Variants in SLC60A1 observed in about 807,000 individuals in gnomAD.
SLC60A1 encodes the protein major facilitator superfamily domain containing 4.
the SLC60A1 span, chr1:205,586,072 G>A: frequency 2.5e-6 from 4 of 1,612,138 alleles, no homozygotes. Flanking sequence ...ATGCTGTGGA[G>A]AAGCCCCTGT....
the SLC60A1 span, among the ~76,000 whole-genome samples, chr1:205,575,696 G>A: frequency 1.3e-5 from 2 of 152,166 alleles, no homozygotes; most frequent in Admixed American, 6.5e-5. Flanking sequence ...CAGCTCACCT[G>A]GGGGAGAACT....
chr1:205,591,365 C>A, the SLC60A1 span, among the ~76,000 whole-genome samples: 2 of 151,690 alleles, frequency 1.3e-5, no homozygotes, highest in East Asian at 3.9e-4. Context: ...GCCTGAGGTC[C>A]CAGCTACTCA....
At chr1:205,576,947 TTC>T in the SLC60A1 span, among the ~76,000 whole-genome samples, 560 of 152,242 alleles carry the variant, frequency 3.7e-3, 2 homozygotes, top group African/African-American at 0.013. Flanking sequence ...CCAGGCGTGG[TTC>T]TCTCCAACCT....
At chr1:205,596,544 CAAAAAAAAAAAAAA>C in the SLC60A1 span, among the ~76,000 whole-genome samples, 36 of 49,136 alleles carry the variant, frequency 7.3e-4, no homozygotes, top group East Asian at 6.5e-3. Context: ...GACTCTGTCT[CAAAAAAAAAAAAAA>C]AAAAAAAAAA....
chr1:205,596,028 C>A, the SLC60A1 span, among the ~76,000 whole-genome samples: 1 of 151,982 alleles, frequency 6.6e-6, no homozygotes, highest in Admixed American at 6.6e-5. Flanking sequence ...TAGGGTGGGG[C>A]AGTGAACAGA....
chr1:205,570,515 G>T, the SLC60A1 span, among the ~76,000 whole-genome samples: 1 of 152,234 alleles, frequency 6.6e-6, no homozygotes, highest in Admixed American at 6.5e-5. Context: ...TCCAGAGCTG[G>T]TGGAAGGAGC....
the SLC60A1 span, chr1:205,598,049 C>G: frequency 1.8e-6 from 1 of 559,192 alleles, no homozygotes; most frequent in Non-Finnish European, 3.2e-6. Flanking sequence ...TATGTGGGAT[C>G]TGGAGATGTA....
the SLC60A1 span, among the ~76,000 whole-genome samples, chr1:205,591,342 C>T: frequency 5.9e-5 from 9 of 151,828 alleles, no homozygotes; most frequent in Non-Finnish European, 1.0e-4. Context: ...AATTAGCAGG[C>T]GTGGTGGCAC....
At chr1:205,580,771 C>T in the SLC60A1 span, 3 of 1,614,224 alleles carry the variant, frequency 1.9e-6, no homozygotes, top group Non-Finnish European at 2.5e-6. This position sits in a 1 kb window ranked among gnomAD's most constrained non-coding sequence, Gnocchi z 5.0. Context: ...ACACCACCTC[C>T]CGAGGCCACC....
At chr1:205,597,841 G>A in the SLC60A1 span, 1 of 1,613,840 alleles carries the variant, frequency 6.2e-7, no homozygotes, top group African/African-American at 1.3e-5. Context: ...TGCAGATGCT[G>A]GTTGGTTCGG....
At chr1:205,588,629 T>C in the SLC60A1 span, among the ~76,000 whole-genome samples, 16 of 152,226 alleles carry the variant, frequency 1.1e-4, no homozygotes, top group African/African-American at 3.9e-4. Flanking sequence ...TGCAGCTGAG[T>C]GGCCCTGAGC....
chr1:205,600,737 C>T, the SLC60A1 span: 20 of 416,088 alleles, frequency 4.8e-5, no homozygotes, highest in Admixed American at 2.8e-4. Flanking sequence ...GAGACAGCCG[C>T]GCGCTTCACT....
chr1:205,595,238 CT>C, the SLC60A1 span: 1 of 152,494 alleles, frequency 6.6e-6, no homozygotes, highest in Non-Finnish European at 1.5e-5. Flanking sequence ...CCCTGCAAAC[CT>C]GCATCCTAGC....
the SLC60A1 span, chr1:205,598,990 C>A: frequency 1.0e-4 from 118 of 1,126,090 alleles, no homozygotes; most frequent in African/African-American, 1.8e-3. Flanking sequence ...GGCCTCCCTC[C>A]TCCCCGTGAT....
the SLC60A1 span, among the ~76,000 whole-genome samples, chr1:205,572,030 G>A: frequency 2.0e-5 from 3 of 152,194 alleles, no homozygotes; most frequent in South Asian, 6.2e-4. Context: ...AATGGGGCTT[G>A]TGGATGCCTC....
chr1:205,593,314 C>CA, the SLC60A1 span, among the ~76,000 whole-genome samples: 1 of 150,848 alleles, frequency 6.6e-6, no homozygotes, highest in Non-Finnish European at 1.5e-5. Flanking sequence ...ACTAAAAATA[C>CA]AAAAAAATTA....
chr1:205,569,054 C>T, the SLC60A1 span: 8 of 1,451,598 alleles, frequency 5.5e-6, no homozygotes, highest in South Asian at 1.3e-5. Context: ...GATCCGCGAG[C>T]CCGTCAGCCT....
chr1:205,600,215 G>C, the SLC60A1 span: 1 of 556,768 alleles, frequency 1.8e-6, no homozygotes. Context: ...CCAAGCCCTA[G>C]ACAGCAGTCT....
the SLC60A1 span, among the ~76,000 whole-genome samples, chr1:205,570,056 A>C: frequency 6.6e-6 from 1 of 151,692 alleles, no homozygotes; most frequent in East Asian, 1.9e-4. Flanking sequence ...TCCACTCCCC[A>C]CCCACCTCAT....
Sources: allele counts gnomAD v4.1 joint callset (sites outside exome capture counted in the v4.1 genomes callset), GRCh38; gene constraint gnomAD v4.1.1; non-coding constraint Gnocchi (gnomAD v3.1); transcripts MANE v1.5; gene names NCBI Gene and HGNC (gene_info 2026-07-23, HGNC 2026-07-21).